MORN3: variants seen among roughly 807,000 people sequenced by gnomAD.
The protein encoded by MORN3 is MORN repeat-containing protein 3.
MORN3 carries 38 observed loss-of-function variants against 34.7 expected under a neutral mutation model. That is an observed-to-expected ratio of 1.10 (90% CI 0.85 to 1.44). The LOEUF (loss-of-function observed/expected upper bound fraction) is 1.44. Among genes scored for constraint, MORN3 ranks in the 40% most tolerant of loss-of-function variants. The pLI, the probability that MORN3 is intolerant of heterozygous loss-of-function variation, is 0.00. For missense variants in MORN3, 311 were observed against 321.7 expected, an observed-to-expected ratio of 0.97 and a Z score of 0.25; for synonymous variants, 109 against 115.3, an observed-to-expected ratio of 0.95 and a Z score of 0.35.
intron 1 of MORN3, among the ~76,000 whole-genome samples, chr12:121,663,276 G>A (rs1315474630): frequency 6.7e-6 from 1 of 149,692 alleles, no homozygotes; most frequent in East Asian, 2.0e-4. Flanking sequence ...TCGGCTCACT[G>A]CAACCTCCGC....
intron 2 of MORN3, among the ~76,000 whole-genome samples, chr12:121,656,155 C>T (rs537801389): frequency 1.3e-5 from 2 of 152,308 alleles, no homozygotes; most frequent in South Asian, 2.1e-4. Flanking sequence ...TCCCACATAT[C>T]CCTGAGGGCC....
chr12:121,658,468 A>C (rs1423532289), intron 2 of MORN3, among the ~76,000 whole-genome samples: 2 of 147,672 alleles, frequency 1.4e-5, no homozygotes, highest in East Asian at 4.2e-4. Context: ...TGGGAAGCTG[A>C]GGCAGGAGAA....
chr12:121,665,838 G>A lies in MORN3; in HGVS notation c.145+3501C>T, dbSNP rs1309561420. Among the ~76,000 whole-genome samples, 2 of 151,024 alleles carry A rather than the reference G, an allele frequency of 1.3e-5. 1 individual carries two copies. Among genetic ancestry groups the A allele is most frequent in the South Asian group, 4.2e-4 (2 of 4,770 alleles). ...GGGTGACTGAATCAGTTGAGGGTTCGGGGTCCAGACGACCCAACAGAAACC... is the reference window on the plus strand; with the variant it reads ...GGGTGACTGAATCAGTTGAGGGTTCAGGGTCCAGACGACCCAACAGAAACC... On this transcript the variant is annotated intron_variant, in intron 1 of 5. Coordinates refer to ENST00000355329, the MANE Select transcript of MORN3 (RefSeq NM_173855.5).
chr12:121,667,848 C>T (rs367813239), intron 1 of MORN3, among the ~76,000 whole-genome samples: 10 of 151,972 alleles, frequency 6.6e-5, no homozygotes, highest in South Asian at 4.2e-4. Flanking sequence ...CTCAGCCTCC[C>T]GAGTAGCTGG....
intron 1 of MORN3, among the ~76,000 whole-genome samples, chr12:121,660,840 G>C (rs1000581056): frequency 2.0e-5 from 3 of 151,672 alleles, no homozygotes; most frequent in African/African-American, 7.3e-5. Context: ...GGCTAATTTT[G>C]TATTTTCAGT....
intron 1 of MORN3, among the ~76,000 whole-genome samples, chr12:121,665,764 CA>C (rs59071462): frequency 6.5e-3 from 328 of 50,566 alleles, no homozygotes; most frequent in African/African-American, 0.019. Context: ...GACTCTGTCT[CA>C]AAAAAAAAAA....
chr12:121,667,778 C>T (rs964058637), intron 1 of MORN3, among the ~76,000 whole-genome samples: 3 of 150,726 alleles, frequency 2.0e-5, no homozygotes, highest in African/African-American at 7.3e-5. Context: ...GGCTGGAGTG[C>T]AGTGGCGAGA....
intron 2 of MORN3, among the ~76,000 whole-genome samples, chr12:121,656,199 C>A (rs1009268957): frequency 1.3e-5 from 2 of 152,210 alleles, no homozygotes; most frequent in Admixed American, 6.5e-5. Context: ...TGTCCCAGGG[C>A]AGACACACTC....
chr12:121,659,395 G>C (rs940823455), intron 1 of MORN3, 47 bp from the exon 2 acceptor site: 6 of 1,602,138 alleles, frequency 3.7e-6, no homozygotes, highest in Non-Finnish European at 4.3e-6. Context: ...CCGCCGGGGG[G>C]TGGGGGTGGT....
chr12:121,648,980 T>C lies in MORN3; in HGVS notation c.*2671A>G, dbSNP rs550637764. The C allele has an allele frequency of 2.6e-5, 4 of 151,722 alleles. No homozygotes were observed. The highest frequency in any genetic ancestry group is 9.7e-5 in the African/African-American group (4 of 41,316). The allele number at this position is 151,722 out of a possible 1,614,324, so 9.4% of individuals were successfully genotyped here. On this transcript the variant is annotated 3_prime_UTR_variant, in exon 6 of 6. Coordinates refer to ENST00000355329, the MANE Select transcript of MORN3 (RefSeq NM_173855.5). ...TGGAGTCTCGCTCTGTTGCCCAGGC[T>C]GGAGAGCAGCGGCACGATCTCGGCT...
At chr12:121,655,140 G>A (rs1401184830) in intron 2 of MORN3, among the ~76,000 whole-genome samples, 1 of 151,614 alleles carries the variant, frequency 6.6e-6, no homozygotes, top group Non-Finnish European at 1.5e-5. Flanking sequence ...TTGAGGTCAG[G>A]AGTTTGAGAC....
intron 1 of MORN3, among the ~76,000 whole-genome samples, chr12:121,668,439 G>A (rs1893841361): frequency 6.6e-6 from 1 of 152,150 alleles, no homozygotes. Context: ...TACTCTGGAG[G>A]CTGAGGCAGG....
upstream of MORN3, among the ~76,000 whole-genome samples, chr12:121,672,125 A>T (rs1893984997): frequency 6.6e-6 from 1 of 152,156 alleles, no homozygotes; most frequent in Admixed American, 6.6e-5. Flanking sequence ...AGCTGTTGAC[A>T]GGAAATGAAA....
chr12:121,665,645 A>G (rs1893730884), intron 1 of MORN3, among the ~76,000 whole-genome samples: 1 of 150,334 alleles, frequency 6.7e-6, no homozygotes, highest in African/African-American at 2.4e-5. Context: ...TGCATCTGTA[A>G]TCCCAGCTAC....
intron 1 of MORN3, among the ~76,000 whole-genome samples, chr12:121,668,053 A>G (rs1039814613): frequency 3.4e-5 from 5 of 148,684 alleles, no homozygotes; most frequent in African/African-American, 1.2e-4. Flanking sequence ...TTTTTTTAGT[A>G]GAGATGGGAT....
At chr12:121,661,916 G>GAA (rs1566483729) in intron 1 of MORN3, among the ~76,000 whole-genome samples, 3 of 151,384 alleles carry the variant, frequency 2.0e-5, no homozygotes, top group African/African-American at 7.3e-5. Context: ...AGGGAGGAAG[G>GAA]GAGGAAGGAA....
intron 1 of MORN3, among the ~76,000 whole-genome samples, chr12:121,661,556 T>A (rs59777768): frequency 6.6e-6 from 1 of 152,066 alleles, no homozygotes; most frequent in Admixed American, 6.6e-5. Flanking sequence ...GCCTCAGATA[T>A]CTCAGCTGTA....
In MORN3 at chr12:121,654,257, G is replaced by A. The variant is rs782574446; in HGVS notation, c.463+17C>T. 9.7e-5 allele frequency: 148 copies of A among 1,530,124 alleles called. No individual in the cohort carries two copies. Among genetic ancestry groups the A allele is most frequent in the Non-Finnish European group, 1.2e-4 (141 of 1,137,134 alleles). The allele number at this position is 1,530,124 out of a possible 1,614,324, so 94.8% of individuals were successfully genotyped here. A position where few individuals can be genotyped will look rare whatever the true frequency, so the allele number is the denominator to read the frequency against. ...GCGTGGTCGGGTGGGCGGGGCCGGCGGGGGTGGGGCACTCACTCAGGCGCA... is the reference window on the plus strand; with the variant it reads ...GCGTGGTCGGGTGGGCGGGGCCGGCAGGGGTGGGGCACTCACTCAGGCGCA... On this transcript the variant is annotated intron_variant, in intron 3 of 5. Coordinates refer to ENST00000355329, the MANE Select transcript of MORN3 (RefSeq NM_173855.5).
chr12:121,662,145 A>G (rs749132420), intron 1 of MORN3, among the ~76,000 whole-genome samples: 4 of 152,062 alleles, frequency 2.6e-5, no homozygotes, highest in Admixed American at 2.6e-4. Context: ...CAAAGGGTGC[A>G]TACTTTTTGT....
Sources: allele counts gnomAD v4.1 joint callset (sites outside exome capture counted in the v4.1 genomes callset), GRCh38; gene constraint gnomAD v4.1.1; transcripts MANE v1.5; gene names NCBI Gene and HGNC (gene_info 2026-07-23, HGNC 2026-07-21).